SMCP: variants seen among roughly 807,000 people sequenced by gnomAD.
The protein encoded by SMCP is sperm mitochondrial-associated cysteine-rich protein.
For missense variants in SMCP, 137 were observed against 137.1 expected, an observed-to-expected ratio of 1.00 and a Z score of 0.01; for synonymous variants, 41 against 46.9, an observed-to-expected ratio of 0.87 and a Z score of 0.51.
intron 1 of SMCP, among the ~76,000 whole-genome samples, chr1:152,881,325 C>T (rs181597676): frequency 2.6e-5 from 4 of 152,236 alleles, no homozygotes; most frequent in Admixed American, 2.6e-4. Context: ...GAATCCTGCA[C>T]ACCTTCAGGA....
intron 1 of SMCP, among the ~76,000 whole-genome samples, chr1:152,880,548 C>G (rs1336603295): frequency 6.6e-6 from 1 of 152,174 alleles, no homozygotes; most frequent in Non-Finnish European, 1.5e-5. Context: ...TCGGGCAAGT[C>G]AAGGCATCGC....
Position 152,884,678 on chromosome 1 carries a change from G to A in SMCP, c.256G>A (p.Glu86Lys). 1.2e-6 allele frequency: 2 copies of A among 1,614,164 alleles called. No homozygotes were observed. Among genetic ancestry groups the A allele is most frequent in the Non-Finnish European group, 1.7e-6 (2 of 1,180,040 alleles). ...TKPEVSPLNM[E>K]SEPNSPQTQD... is the part of the protein sequence containing the mutation. ...GCCTGAAGTCTCACCCCTTAACATGGAGTCTGAGCCCAACTCACCGCAAAC... is the reference window on the plus strand; with the variant it reads ...GCCTGAAGTCTCACCCCTTAACATGAAGTCTGAGCCCAACTCACCGCAAAC... Residue 86 changes from glutamate (E) to lysine (K), a missense_variant, in exon 2 of 2, where the codon GAG (glutamate) becomes AAG (lysine). Transcript: ENST00000368765.
In SMCP at chr1:152,884,444, A is replaced by G. The variant is rs754481098; in HGVS notation, c.22A>G (p.Ser8Gly). Reference sequence around the variant, plus strand: ...GAAGATGTGTGACCAGACAAAACACAGTAAATGCTGCCCAGCAAAAGGCAA... The same window carrying G: ...GAAGATGTGTGACCAGACAAAACACGGTAAATGCTGCCCAGCAAAAGGCAA... MCDQTKH[S>G]KCCPAKGNQC... Residue 8 changes from serine to glycine, a missense_variant, in exon 2 of 2, where the codon AGT becomes GGT. Coordinates refer to ENST00000368765, the MANE Select transcript of SMCP (RefSeq NM_030663.3). The G allele has an allele frequency of 9.9e-6, 16 of 1,614,134 alleles. No individual in the cohort carries two copies. The highest frequency in any genetic ancestry group is 1.3e-5 in the Non-Finnish European group (15 of 1,180,054).
chr1:152,878,660 T>C (rs912357010), intron 1 of SMCP, among the ~76,000 whole-genome samples: 3 of 152,190 alleles, frequency 2.0e-5, no homozygotes, highest in African/African-American at 4.8e-5. Flanking sequence ...ATAGTGAGAA[T>C]GCCTGTGTTT....
Position 152,884,907 on chromosome 1 carries a change from A to G in SMCP, c.*134A>G, listed in dbSNP as rs190916257. 3.7e-5 allele frequency: 28 copies of G among 750,188 alleles called. No individual in the cohort carries two copies. The highest frequency in any genetic ancestry group is 1.8e-5 in the African/African-American group (1 of 56,418). 46.5% of individuals were successfully genotyped at this position (750,188 alleles called of 1,614,324 possible). A position where few individuals can be genotyped will look rare whatever the true frequency, so the allele number is the denominator to read the frequency against. ...TCACAGTGACTACCATTTCCACCCA[A>G]TGAGAGGCTCCTATTTCCCATCATA... is the stretch of plus-strand genomic sequence containing the variant. On this transcript the variant is annotated 3_prime_UTR_variant, in exon 2 of 2. Transcript: ENST00000368765.
At position 152,884,406 on chromosome 1, in the gene SMCP, C is replaced by G; in HGVS notation, c.-17C>G. 1 of 1,613,086 alleles carries G rather than the reference C, an allele frequency of 6.2e-7. No homozygotes were observed. ...GAATATTATTTTCTTTTTCTAGTAC[C>G]TCCAAGTGTTCAGAAGATGTGTGAC... On this transcript the variant is annotated 5_prime_UTR_variant, in exon 2 of 2. Coordinates refer to ENST00000368765, the MANE Select transcript of SMCP (RefSeq NM_030663.3).
At chr1:152,880,886 A>C (rs1046851586) in intron 1 of SMCP, among the ~76,000 whole-genome samples, 6 of 81,092 alleles carry the variant, frequency 7.4e-5, no homozygotes, top group Non-Finnish European at 1.1e-4. Flanking sequence ...GGGCCTTAAG[A>C]GATAACTCTT....
At chr1:152,883,689 G>C (rs1409621342) in intron 1 of SMCP, among the ~76,000 whole-genome samples, 3 of 152,178 alleles carry the variant, frequency 2.0e-5, no homozygotes, top group Admixed American at 6.5e-5. Context: ...AGCCCAGAGA[G>C]ATGAAGAGAA....
intron 1 of SMCP, among the ~76,000 whole-genome samples, chr1:152,880,102 C>G (rs1301951784): frequency 6.6e-6 from 1 of 151,558 alleles, no homozygotes; most frequent in Non-Finnish European, 1.5e-5. Context: ...GAATGAAGAC[C>G]AGAGAATGAT....
At position 152,884,799 on chromosome 1, in the gene SMCP, A is replaced by T. The variant is rs1649167793; in HGVS notation, c.*26A>T. On this transcript the variant is annotated 3_prime_UTR_variant, in exon 2 of 2. Coordinates refer to ENST00000368765, the MANE Select transcript of SMCP (RefSeq NM_030663.3). The stretch of plus-strand genomic sequence containing the variant: ...GAGCAGAAGAAGTCAAACAAAGAAG[A>T]AGTCCCTGGGGCCATGCCTTTCACT... 4 of 1,595,636 alleles carry T rather than the reference A, an allele frequency of 2.5e-6. No homozygotes were observed. The African/African-American group carries it at 5.4e-5, about 21-fold the overall frequency.
rs375387184 is a variant in SMCP, at chr1:152,881,268, C to A, written c.-21+2822C>A. Among the ~76,000 whole-genome samples, 604 of 152,228 alleles carry A rather than the reference C, an allele frequency of 4.0e-3. 2 individuals are homozygous for A. Among genetic ancestry groups the A allele is most frequent in the African/African-American group, 0.014 (570 of 41,564 alleles). On this transcript the variant is annotated intron_variant, in intron 1 of 1. Coordinates refer to ENST00000368765, the MANE Select transcript of SMCP (RefSeq NM_030663.3). ...AAAGTCACAAGGGTGATTCAGATAG[C>A]AAAGTAGGTCATCTAACAGGCGTCC...
intron 1 of SMCP, among the ~76,000 whole-genome samples, chr1:152,883,636 T>G (rs1264298173): frequency 2.0e-5 from 3 of 152,090 alleles, no homozygotes; most frequent in Non-Finnish European, 4.4e-5. Context: ...CAGTTCCCCC[T>G]TCCTCACCCC....
chr1:152,882,657 G>A (rs559245614), intron 1 of SMCP, among the ~76,000 whole-genome samples: 35 of 146,848 alleles, frequency 2.4e-4, no homozygotes, highest in African/African-American at 8.7e-4. Flanking sequence ...ATGCACTTAG[G>A]TGCACACACA....
chr1:152,884,536 A>G lies in SMCP; in HGVS notation c.114A>G (p.Lys38=), dbSNP rs766091781. Residue 38 remains lysine, a synonymous_variant, in exon 2 of 2, where the codon AAA becomes AAG. Coordinates refer to ENST00000368765, the MANE Select transcript of SMCP (RefSeq NM_030663.3). ...QSKGNQCCPP[K]QNQCCQPKGS... is the part of the protein sequence containing the mutation. ...AAGGCAATCAATGCTGCCCACCAAA[A>G]CAGAACCAGTGCTGCCAGCCAAAAG... The G allele has an allele frequency of 3.7e-6, 6 of 1,613,904 alleles. No individual in the cohort carries two copies. The highest frequency in any genetic ancestry group is 5.1e-6 in the Non-Finnish European group (6 of 1,179,980).
At chr1:152,878,802 C>T (rs986354659) in intron 1 of SMCP, among the ~76,000 whole-genome samples, 2 of 152,104 alleles carry the variant, frequency 1.3e-5, no homozygotes, top group South Asian at 2.1e-4. Flanking sequence ...AAGTTTTCCT[C>T]GAGGAGTGAT....
chr1:152,880,560 G>A (rs981238441), intron 1 of SMCP, among the ~76,000 whole-genome samples: 4 of 152,068 alleles, frequency 2.6e-5, no homozygotes, highest in Admixed American at 2.6e-4. Flanking sequence ...AGGCATCGCA[G>A]GGCCTGTATC....
intron 1 of SMCP, among the ~76,000 whole-genome samples, chr1:152,879,778 T>C (rs1236866148): frequency 6.6e-6 from 1 of 152,162 alleles, no homozygotes; most frequent in African/African-American, 2.4e-5. Flanking sequence ...TTCTCTGATA[T>C]TGCACAACCT....
intron 1 of SMCP, among the ~76,000 whole-genome samples, chr1:152,878,889 C>A (rs1648951519): frequency 6.6e-6 from 1 of 152,156 alleles, no homozygotes; most frequent in Non-Finnish European, 1.5e-5. Flanking sequence ...GTGGTTTAAG[C>A]TGGGAAAGAG....
chr1:152,884,524 C>A lies in SMCP; in HGVS notation c.102C>A (p.Cys34Ter). The A allele has an allele frequency of 6.2e-7, 1 of 1,614,090 alleles. No homozygotes were observed. The highest frequency in any genetic ancestry group is 8.5e-7 in the Non-Finnish European group (1 of 1,180,012). ...GCTGCCAGTCAAAAGGCAATCAATG[C>A]TGCCCACCAAAACAGAACCAGTGCT... ...NQCCQSKGNQCCPPKQNQCCQ... is the reference protein window; with the variant it reads ...NQCCQSKGNQ Residue 34 changes from cysteine (C) to a stop codon, truncating the protein, a stop_gained, in exon 2 of 2, where the codon TGC (cysteine) becomes TGA (stop). Transcript: ENST00000368765. LOFTEE classifies it low-confidence loss of function (END_TRUNC).
Sources: gnomAD v4.1 joint callset for allele counts (sites outside exome capture counted in the v4.1 genomes callset) on GRCh38, gnomAD v4.1.1 for gene constraint, MANE v1.5 for transcripts, NCBI Gene and HGNC (gene_info 2026-07-23, HGNC 2026-07-21) for gene names.